MGAT5: variants seen among roughly 807,000 people sequenced by gnomAD.
MGAT5 encodes the protein alpha-1,6-mannosylglycoprotein 6-beta-N-acetylglucosaminyltransferase.
In MGAT5, 30 loss-of-function variants were observed where a neutral mutation model predicts 94.3. The ratio of observed to expected loss-of-function variants is 0.32; its 90% CI spans 0.24 to 0.43. MGAT5 has a LOEUF of 0.43. MGAT5 is among the 20% of genes least tolerant of loss of function. The probability of loss-of-function intolerance (pLI) is 1.00; values close to 1 mark genes in which losing one functional copy is unlikely to be tolerated. For synonymous variants in MGAT5, 310 were observed against 322.9 expected, an observed-to-expected ratio of 0.96 and a Z score of 0.43; for missense variants, 691 against 905.5, an observed-to-expected ratio of 0.76 and a Z score of 3.04.
At chr2:134,280,559 A>G (rs1684628184) in intron 2 of MGAT5, among the ~76,000 whole-genome samples, 1 of 152,244 alleles carries the variant, frequency 6.6e-6, no homozygotes, top group Non-Finnish European at 1.5e-5. Context: ...GTCAACGTTT[A>G]CTGTGGAAAC....
intron 10 of MGAT5, among the ~76,000 whole-genome samples, chr2:134,383,398 G>GT: frequency 1.3e-5 from 2 of 152,304 alleles, no homozygotes; most frequent in African/African-American, 4.8e-5. Context: ...AATGAACTTT[G>GT]TATTTTTCTT....
chr2:134,276,028 A>G (rs2105682091), intron 2 of MGAT5, among the ~76,000 whole-genome samples: 2 of 152,318 alleles, frequency 1.3e-5, no homozygotes, highest in Admixed American at 6.5e-5. Flanking sequence ...AGATACTGTT[A>G]GAATCTGGTG....
intron 10 of MGAT5, among the ~76,000 whole-genome samples, chr2:134,396,338 A>G (rs928337243): frequency 8.5e-5 from 13 of 152,116 alleles, no homozygotes; most frequent in Non-Finnish European, 1.9e-4. Context: ...TGCATTTTAG[A>G]ACTTACCTCC....
chr2:134,260,491 T>A (rs1051816151), intron 1 of MGAT5, among the ~76,000 whole-genome samples: 29 of 152,188 alleles, frequency 1.9e-4, no homozygotes, highest in Admixed American at 1.8e-3. Flanking sequence ...CAGATCCAGA[T>A]AACGTTCTGA....
At chr2:134,249,741 G>C (rs1372741177), upstream of MGAT5, among the ~76,000 whole-genome samples, 1 of 152,232 alleles carries the variant, frequency 6.6e-6, no homozygotes, top group Non-Finnish European at 1.5e-5. Context: ...ACAAGTTTTT[G>C]TGTAGACACG....
At chr2:134,240,485 G>C (rs752054069) in intron 1 of MGAT5, among the ~76,000 whole-genome samples, 10 of 152,120 alleles carry the variant, frequency 6.6e-5, no homozygotes, top group Admixed American at 1.3e-4. Flanking sequence ...CTTGGATATG[G>C]TGGTTAGTTG....
chr2:134,305,362 T>C (rs1194964494), intron 2 of MGAT5, among the ~76,000 whole-genome samples: 2 of 152,180 alleles, frequency 1.3e-5, no homozygotes, highest in East Asian at 3.9e-4. Context: ...AACCAACAGC[T>C]ATAAGACGCT....
intron 6 of MGAT5, among the ~76,000 whole-genome samples, chr2:134,340,400 T>C (rs1243074839): frequency 6.6e-6 from 1 of 152,086 alleles, no homozygotes; most frequent in Non-Finnish European, 1.5e-5. Flanking sequence ...CAAAAGAACT[T>C]AGGAGCCAGC....
In MGAT5 at chr2:134,167,548, G is replaced by A. The variant is rs528631458; in HGVS notation, c.-143+47257G>A. ...TCCCAGGTGATGATGTTGCCGGTTC[G>A]GGGTCTACACTTTGAGAACCACTGC... On this transcript the variant is annotated intron_variant, in intron 1 of 16. Coordinates refer to the MGAT5 transcript ENST00000409645. 3.9e-5 allele frequency among the ~76,000 whole-genome samples: 6 copies of A among 152,214 alleles called. No individual in the cohort carries two copies. In the East Asian group the frequency reaches 9.7e-4, roughly 25 times the overall value.
chr2:134,315,505 G>T (rs1558783930), intron 2 of MGAT5, among the ~76,000 whole-genome samples: 1 of 152,226 alleles, frequency 6.6e-6, no homozygotes, highest in East Asian at 1.9e-4. Flanking sequence ...GCTAGAAGGA[G>T]AGCCCCACCT....
chr2:134,331,047 T>G (rs528547072), intron 4 of MGAT5, among the ~76,000 whole-genome samples: 2 of 152,144 alleles, frequency 1.3e-5, no homozygotes, highest in African/African-American at 4.8e-5. Context: ...CTTATGTATC[T>G]GCCAGCAACT....
chr2:134,323,823 A>G (rs959215804), intron 4 of MGAT5, among the ~76,000 whole-genome samples: 1 of 152,106 alleles, frequency 6.6e-6, no homozygotes. Flanking sequence ...AGCCATTCCA[A>G]GTGGTAGGAA....
intron 1 of MGAT5, among the ~76,000 whole-genome samples, chr2:134,220,064 C>A (rs1258154573): frequency 6.6e-6 from 1 of 152,182 alleles, no homozygotes; most frequent in East Asian, 1.9e-4. Context: ...CTTGTGAAGG[C>A]AGCAAATGCA....
chr2:134,367,021 G>T (rs1379900810), intron 10 of MGAT5, among the ~76,000 whole-genome samples: 1 of 152,204 alleles, frequency 6.6e-6, no homozygotes, highest in Non-Finnish European at 1.5e-5. Flanking sequence ...GTGGTGAGCA[G>T]TGGGCTCTGA....
At chr2:134,205,513 G>T (rs1355571039) in intron 1 of MGAT5, among the ~76,000 whole-genome samples, 1 of 152,200 alleles carries the variant, frequency 6.6e-6, no homozygotes, top group Non-Finnish European at 1.5e-5. Flanking sequence ...AGCAGCCGGA[G>T]TGGGAGATGC....
At position 134,433,027 on chromosome 2, in the gene MGAT5, C is replaced by G. The variant is rs541606071; in HGVS notation, c.1869+4588C>G. ...GTAGTGTTACACAACTACCACCACA[C>G]TCTAGTTTTGCAGCATTTCCGTCAC... On this transcript the variant is annotated intron_variant, in intron 14 of 15. Transcript: ENST00000281923. Among the ~76,000 whole-genome samples, 32 of 152,242 alleles carry G rather than the reference C, an allele frequency of 2.1e-4. 1 individual carries two copies. The East Asian group carries it at 2.7e-3, about 13-fold the overall frequency.
At chr2:134,434,578 A>C (rs1172891209) in intron 14 of MGAT5, among the ~76,000 whole-genome samples, 1 of 152,200 alleles carries the variant, frequency 6.6e-6, no homozygotes, top group African/African-American at 2.4e-5. Flanking sequence ...AAGCCTCAAG[A>C]TGCAAAACAC....
intron 1 of MGAT5, among the ~76,000 whole-genome samples, chr2:134,243,513 C>A (rs1369839467): frequency 6.6e-6 from 1 of 152,204 alleles, no homozygotes; most frequent in Non-Finnish European, 1.5e-5. Flanking sequence ...CAGCCAGCAT[C>A]TAACCAATGA....
At chr2:134,256,115 T>TA (rs1040182756) in intron 1 of MGAT5, among the ~76,000 whole-genome samples, 3 of 152,172 alleles carry the variant, frequency 2.0e-5, no homozygotes, top group African/African-American at 7.2e-5. Context: ...TTAATATATC[T>TA]AAAAAAATGG....
Sources: gnomAD v4.1 joint callset for allele counts (sites outside exome capture counted in the v4.1 genomes callset) on GRCh38, gnomAD v4.1.1 for gene constraint, MANE v1.5 for transcripts, NCBI Gene and HGNC (gene_info 2026-07-23, HGNC 2026-07-21) for gene names.